CCNC: variants seen among roughly 807,000 people sequenced by gnomAD.
CCNC encodes the protein cyclin-C.
In CCNC, 19 loss-of-function variants were observed where a neutral mutation model predicts 50.0. The ratio of observed to expected loss-of-function variants is 0.38; its 90% CI spans 0.27 to 0.56. CCNC has a LOEUF of 0.56. CCNC is among the 20% of genes least tolerant of loss of function. The pLI, the probability that CCNC is intolerant of heterozygous loss-of-function variation, is 0.72. For missense variants in CCNC, 200 were observed against 327.1 expected (o/e 0.61, Z 3.00); for synonymous variants, 93 against 103.7 (o/e 0.90, Z 0.63).
intron 1 of CCNC, among the ~76,000 whole-genome samples, chr6:99,567,417 A>G (rs1188595263): frequency 3.4e-5 from 4 of 116,208 alleles, no homozygotes; most frequent in Non-Finnish European, 1.8e-5. Context: ...ATACACACAC[A>G]CACATATATA....
intron 5 of CCNC, chr6:99,557,373 T>C (rs1403689775): frequency 6.6e-6 from 1 of 152,312 alleles, no homozygotes; most frequent in African/African-American, 2.4e-5. Context: ...AAGATGATGA[T>C]GATGATGATA....
At chr6:99,561,796 A>G in intron 2 of CCNC, 115 bp from the exon 3 acceptor site, 1 of 677,004 alleles carries the variant, frequency 1.5e-6, no homozygotes, top group Non-Finnish European at 2.6e-6. Flanking sequence ...TAACAAAGGA[A>G]AAAACCTACA....
chr6:99,568,352 A>T, intron 1 of CCNC, 144 bp downstream of exon 1: 2 of 759,894 alleles, frequency 2.6e-6, no homozygotes, highest in East Asian at 2.8e-5. Flanking sequence ...AGAAAAGCGC[A>T]TCTTGATTCT....
chr6:99,548,548 C>T (rs982533480), intron 9 of CCNC, among the ~76,000 whole-genome samples: 1 of 150,168 alleles, frequency 6.7e-6, no homozygotes, highest in Non-Finnish European at 1.5e-5. Flanking sequence ...GGTGCAGTGG[C>T]TCACGCCTGT....
rs938866174 is a variant in CCNC, at chr6:99,568,603, C to A, written c.-76G>T. 58 of 1,573,614 alleles carry A rather than the reference C, an allele frequency of 3.7e-5. No homozygotes were observed. Among genetic ancestry groups the A allele is most frequent in the Non-Finnish European group, 4.7e-5 (54 of 1,161,094 alleles). On this transcript the variant is annotated 5_prime_UTR_variant, in exon 1 of 12. Transcript: ENST00000520429. ...GGAGCGACCATAGACCCAGCCCGTC[C>A]GGTAACCGCGCTCCTCGATCAAATC...
intron 5 of CCNC, among the ~76,000 whole-genome samples, chr6:99,554,569 A>C (rs545172761): frequency 5.3e-5 from 8 of 152,312 alleles, no homozygotes; most frequent in Admixed American, 5.2e-4. Flanking sequence ...CTATTTTTAA[A>C]ATTTTGATGC....
rs1189231549 is a variant in CCNC at position 99,543,380 on chromosome 6, A to G, written c.*175T>C. On this transcript the variant is annotated 3_prime_UTR_variant, in exon 12 of 12. Coordinates refer to ENST00000520429, the MANE Select transcript of CCNC (RefSeq NM_005190.4). The stretch of plus-strand genomic sequence containing the variant: ...ATTTATAATCAAGAGATTTTAATCA[A>G]TTATGTACTAGAATCATATTAAAGA... The G allele has an allele frequency of 6.5e-6, 4 of 615,668 alleles. No homozygotes were observed. Among genetic ancestry groups the G allele is most frequent in the East Asian group, 2.8e-5 (1 of 35,418 alleles). 38.1% of individuals were successfully genotyped at this position (615,668 alleles called of 1,614,324 possible).
rs1388332056 is a variant in CCNC at position 99,560,407 on chromosome 6, G to A, written c.294+960C>T. Among the ~76,000 whole-genome samples the A allele has an allele frequency of 2.0e-5, 3 of 152,094 alleles. No homozygotes were observed. In the East Asian group the frequency reaches 5.8e-4, roughly 29 times the overall value. On this transcript the variant is annotated intron_variant, in intron 4 of 11. Transcript: ENST00000520429. ...AACAGAGTCAATTGTCATTATTTAG[G>A]TAACAGTTGGGAAAGATGTCATGGA...
intron 6 of CCNC, 121 bp downstream of exon 6, chr6:99,551,719 C>T (rs1802308938): frequency 3.7e-6 from 2 of 535,878 alleles, no homozygotes; most frequent in Non-Finnish European, 5.9e-6. Context: ...AGAATAATGT[C>T]TGTATTTATG....
At chr6:99,560,960 A>G (rs535411137) in intron 4 of CCNC, among the ~76,000 whole-genome samples, 46 of 152,222 alleles carry the variant, frequency 3.0e-4, no homozygotes, top group Non-Finnish European at 6.5e-4. Flanking sequence ...AATACTACTC[A>G]GTGCCAAACA....
At chr6:99,548,773 A>AG (rs199635134) in intron 9 of CCNC, among the ~76,000 whole-genome samples, 11,290 of 145,298 alleles carry the variant, frequency 0.078, 559 homozygotes, top group South Asian at 0.12. Context: ...ACTGCACTCC[A>AG]GCCTGGGAGA....
intron 4 of CCNC, among the ~76,000 whole-genome samples, chr6:99,560,565 A>G (rs553007437): frequency 6.6e-6 from 1 of 152,352 alleles, no homozygotes; most frequent in Non-Finnish European, 1.5e-5. Flanking sequence ...CATTATCCAA[A>G]AATAGAAACA....
chr6:99,550,362 C>T (rs1188725342), intron 7 of CCNC, 53 bp from the exon 8 acceptor site: 3 of 1,245,660 alleles, frequency 2.4e-6, no homozygotes, highest in South Asian at 2.6e-5. Context: ...TATTACAACA[C>T]AAAAATGTTA....
At chr6:99,552,625 A>G (rs1355836500) in intron 5 of CCNC, among the ~76,000 whole-genome samples, 1 of 152,174 alleles carries the variant, frequency 6.6e-6, no homozygotes, top group Non-Finnish European at 1.5e-5. Flanking sequence ...ACTATTTGAG[A>G]AACTGTATTC....
intron 2 of CCNC, 123 bp downstream of exon 2, chr6:99,562,716 AAAG>A (rs1472480677): frequency 1.7e-4 from 99 of 582,038 alleles, no homozygotes; most frequent in Non-Finnish European, 2.7e-4. Flanking sequence ...TATGTTGTAA[AAAG>A]AATACCTGTA....
In CCNC at chr6:99,551,737, T is replaced by C. The variant is rs532798279; in HGVS notation, c.402+103A>G. The C allele has an allele frequency of 2.4e-5, 16 of 679,776 alleles. No homozygotes were observed. In the South Asian group the frequency reaches 4.2e-4, roughly 18 times the overall value. The allele number at this position is 679,776 out of a possible 1,614,324, so 42.1% of individuals were successfully genotyped here. A position where few individuals can be genotyped will look rare whatever the true frequency, so the allele number is the denominator to read the frequency against. On this transcript the variant is annotated intron_variant, in intron 6 of 11. Transcript: ENST00000520429. ...ATAATGTCTGTATTTATGTAATATT[T>C]GAAACTGCCATTTCTAGGAAACTAT...
chr6:99,564,724 AAG>A (rs1249861311), intron 1 of CCNC, among the ~76,000 whole-genome samples: 1 of 129,840 alleles, frequency 7.7e-6, no homozygotes, highest in Non-Finnish European at 1.8e-5. Flanking sequence ...AATTTCTCCC[AAG>A]TTTAAATATC....
At chr6:99,552,018 A>G in intron 5 of CCNC, 123 bp from the exon 6 acceptor site, 1 of 528,912 alleles carries the variant, frequency 1.9e-6, no homozygotes, top group Non-Finnish European at 3.0e-6. Flanking sequence ...ATTCTTGGCA[A>G]CACTTACGGA....
chr6:99,555,298 ACCTACTTGC>A (rs1802466792), intron 5 of CCNC, among the ~76,000 whole-genome samples: 1 of 152,008 alleles, frequency 6.6e-6, no homozygotes, highest in Admixed American at 6.6e-5. Flanking sequence ...CTTTCTCAGC[ACCTACTTGC>A]TTCTTAATTC....
Sources: gnomAD v4.1 joint callset for allele counts (sites outside exome capture counted in the v4.1 genomes callset) on GRCh38, gnomAD v4.1.1 for gene constraint, MANE v1.5 for transcripts, NCBI Gene and HGNC (gene_info 2026-07-23, HGNC 2026-07-21) for gene names.